The following RFX3 variants were observed in gnomAD, a reference collection of about 807,000 sequenced individuals.
RFX3 encodes the protein transcription factor RFX3.
RFX3 carries 14 observed loss-of-function variants against 98.6 expected under a neutral mutation model. That is an observed-to-expected ratio of 0.14 (90% CI 0.09 to 0.22). The LOEUF is 0.22. Ranked by LOEUF, RFX3 falls within the 10% of genes least tolerant of loss-of-function variation. The pLI is 1.00. For synonymous variants in RFX3, 383 were observed against 328.4 expected (o/e 1.17, Z -1.80); for missense variants, 639 against 926.9 (o/e 0.69, Z 4.03).
chr9:3,490,709 A>C (rs556190981), intron 1 of RFX3, among the ~76,000 whole-genome samples: 1 of 152,268 alleles, frequency 6.6e-6, no homozygotes, highest in African/African-American at 2.4e-5. Context: ...GAGAGAGCAA[A>C]CAATTCTGAA....
At chr9:3,402,598 A>ATT (rs1351007222) in intron 1 of RFX3, among the ~76,000 whole-genome samples, 1 of 152,018 alleles carries the variant, frequency 6.6e-6, no homozygotes, top group Non-Finnish European at 1.5e-5. Context: ...GCAGGTGAAA[A>ATT]TTACTATTTT....
At chr9:3,418,073 T>C (rs1408558648) in intron 1 of RFX3, among the ~76,000 whole-genome samples, 1 of 152,210 alleles carries the variant, frequency 6.6e-6, no homozygotes, top group East Asian at 1.9e-4. Context: ...ATATTTCACA[T>C]AGCACAATGA....
intron 1 of RFX3, among the ~76,000 whole-genome samples, chr9:3,432,577 A>T (rs1259039995): frequency 6.6e-6 from 1 of 152,164 alleles, no homozygotes; most frequent in Non-Finnish European, 1.5e-5. Context: ...AAGAGCTTGT[A>T]GATGTGGCCA....
chr9:3,418,771 G>A (rs539182526), intron 1 of RFX3, among the ~76,000 whole-genome samples: 2 of 152,146 alleles, frequency 1.3e-5, no homozygotes, highest in Non-Finnish European at 2.9e-5. Context: ...AGAAAAATAA[G>A]TTGCTTAGAA....
In RFX3 at chr9:3,367,775, T is replaced by A. The variant is rs551596200; in HGVS notation, c.118-21011A>T. Reference sequence around the variant, plus strand: ...TAATTTCCTGCTAAATGTTAAGGCTTTGGTGAAATACAAGGATAATTCTTC... The same window carrying A: ...TAATTTCCTGCTAAATGTTAAGGCTATGGTGAAATACAAGGATAATTCTTC... On this transcript the variant is annotated intron_variant, in intron 2 of 16. Transcript: ENST00000617270. Among the ~76,000 whole-genome samples the A allele has an allele frequency of 3.9e-5, 6 of 152,342 alleles. No individual in the cohort carries two copies. In the East Asian group the frequency reaches 1.2e-3, roughly 29 times the overall value.
intron 1 of RFX3, among the ~76,000 whole-genome samples, chr9:3,441,871 C>T (rs1221028171): frequency 3.3e-5 from 5 of 152,024 alleles, no homozygotes; most frequent in African/African-American, 1.2e-4. Flanking sequence ...TAGTGACTTG[C>T]TTCCAAAAAA....
chr9:3,351,131 A>G (rs1225709696), intron 2 of RFX3, among the ~76,000 whole-genome samples: 1 of 152,022 alleles, frequency 6.6e-6, no homozygotes, highest in Non-Finnish European at 1.5e-5. Context: ...TTCATCAGTT[A>G]TAACAAATGT....
intron 1 of RFX3, among the ~76,000 whole-genome samples, chr9:3,399,885 G>A (rs529830909): frequency 2.0e-5 from 3 of 151,142 alleles, no homozygotes; most frequent in African/African-American, 7.3e-5. Context: ...GGAGGCAGAG[G>A]TTGCGGTGAG....
At position 3,395,719 on chromosome 9, in the gene RFX3, C is replaced by A. The variant is rs182503502; in HGVS notation, c.-8-123G>T. The A allele has an allele frequency of 5.3e-6, 5 of 943,666 alleles. No homozygotes were observed. The Admixed American group carries it at 8.8e-5, about 17-fold the overall frequency. 58.5% of individuals were successfully genotyped at this position (943,666 alleles called of 1,614,324 possible). A position where few individuals can be genotyped will look rare whatever the true frequency, so the allele number is the denominator to read the frequency against. On this transcript the variant is annotated intron_variant, in intron 1 of 16. Coordinates refer to ENST00000617270, the MANE Select transcript of RFX3 (RefSeq NM_001282116.2). Reference sequence around the variant, plus strand: ...TCAACTCTCATACCTCTTATCCCAACATACTACCATGACAGTCCGTGCATG... The same window carrying A: ...TCAACTCTCATACCTCTTATCCCAAAATACTACCATGACAGTCCGTGCATG...
chr9:3,255,949 C>T (rs941902605), intron 14 of RFX3, among the ~76,000 whole-genome samples: 1 of 152,032 alleles, frequency 6.6e-6, no homozygotes, highest in Non-Finnish European at 1.5e-5. Context: ...TGATTATCCT[C>T]ATTCCTAATC....
At chr9:3,334,062 C>A (rs1832888447) in intron 3 of RFX3, among the ~76,000 whole-genome samples, 2 of 151,992 alleles carry the variant, frequency 1.3e-5, no homozygotes, top group African/African-American at 4.8e-5. Context: ...GATCTGGAAT[C>A]TACACTTAAT....
chr9:3,462,633 G>A (rs922406742), intron 1 of RFX3, among the ~76,000 whole-genome samples: 1 of 151,996 alleles, frequency 6.6e-6, no homozygotes, highest in Non-Finnish European at 1.5e-5. Context: ...TGTCTATGCA[G>A]AACATTTTTA....
chr9:3,338,619 C>T (rs1469851659), intron 3 of RFX3, among the ~76,000 whole-genome samples: 2 of 152,158 alleles, frequency 1.3e-5, no homozygotes, highest in East Asian at 3.8e-4. Flanking sequence ...GGTCCCACCC[C>T]TAAAGTTCTT....
chr9:3,508,818 T>C (rs952207735), intron 1 of RFX3, among the ~76,000 whole-genome samples: 2 of 151,984 alleles, frequency 1.3e-5, no homozygotes, highest in Non-Finnish European at 2.9e-5. Flanking sequence ...GGAAGTTCAA[T>C]TGCCATATTC....
intron 1 of RFX3, among the ~76,000 whole-genome samples, chr9:3,513,729 T>C (rs12004862): frequency 0.16 from 23,622 of 152,160 alleles, 3,255 homozygotes; most frequent in East Asian, 0.58. Context: ...CTCCAGTCCA[T>C]AGTCATTTGC....
At chr9:3,514,541 C>T (rs1222145989) in intron 1 of RFX3, among the ~76,000 whole-genome samples, 1 of 152,110 alleles carries the variant, frequency 6.6e-6, no homozygotes, top group African/African-American at 2.4e-5. Flanking sequence ...GCCTCCACCT[C>T]GAGGGCTGAA....
intron 14 of RFX3, among the ~76,000 whole-genome samples, chr9:3,249,506 G>A (rs646522): frequency 0.94 from 143,514 of 152,188 alleles, 68,249 homozygotes; most frequent in East Asian, 1. Flanking sequence ...TCAACTTATG[G>A]ATGACTAGAA....
intron 1 of RFX3, among the ~76,000 whole-genome samples, chr9:3,402,404 G>T (rs935435374): frequency 1.3e-5 from 2 of 152,090 alleles, no homozygotes; most frequent in Non-Finnish European, 2.9e-5. Context: ...AAAGGTGCTA[G>T]TTCCAATTCC....
intron 2 of RFX3, among the ~76,000 whole-genome samples, chr9:3,347,150 G>A (rs755347944): frequency 2.6e-5 from 4 of 151,940 alleles, no homozygotes; most frequent in African/African-American, 4.8e-5. Flanking sequence ...GTGAAACCCC[G>A]TCTTTACTAA....
Sources: allele counts gnomAD v4.1 joint callset (sites outside exome capture counted in the v4.1 genomes callset), GRCh38; gene constraint gnomAD v4.1.1; transcripts MANE v1.5; gene names NCBI Gene and HGNC (gene_info 2026-07-23, HGNC 2026-07-21).